The following NLRP13 variants were observed in gnomAD, a reference collection of about 807,000 sequenced individuals.
NLRP13 encodes NLR family pyrin domain containing 13.
NLRP13 carries 82 observed loss-of-function variants against 94.4 expected under a neutral mutation model. That is an observed-to-expected ratio of 0.87 (90% CI 0.73 to 1.04). The LOEUF (loss-of-function observed/expected upper bound fraction) is 1.04, where lower values mean the gene tolerates loss of function less well. Among genes scored for constraint, NLRP13 ranks in the 50% least tolerant of loss-of-function variants. The pLI, the probability that NLRP13 is intolerant of heterozygous loss-of-function variation, is 0.00. For synonymous variants in NLRP13, 553 were observed against 464.7 expected (o/e 1.19, Z -2.45); for missense variants, 1,426 against 1,230.8 (o/e 1.16, Z -2.37).
downstream of NLRP13, among the ~76,000 whole-genome samples, chr19:55,892,425 ATATACG>A (rs1271595138): frequency 2.7e-5 from 4 of 150,720 alleles, no homozygotes; most frequent in Non-Finnish European, 5.9e-5. Context: ...ACACATACAC[ATATACG>A]TATTGTTTGA....
chr19:55,924,646 G>A lies in NLRP13; in HGVS notation c.401C>T (p.Thr134Ile), dbSNP rs1986923991. ...TTGGTTTGGATCTTGGCATCCCTGG[G>A]TCTGCATATTCCCTGAAATAAACAT... ...MLEAAAGNMQTQGCQDPNQEE... is the reference protein window; with the variant it reads ...MLEAAAGNMQIQGCQDPNQEE... The change falls in exon 3 of 11, where the codon ACC (threonine) becomes ATC (isoleucine). Residue 134 changes from threonine (T) to isoleucine (I), a missense_variant. By Grantham distance (89) the Thr-to-Ile change is moderately conservative. Transcript: ENST00000342929. 1.2e-6 allele frequency: 2 copies of A among 1,613,002 alleles called. No homozygotes were observed. The highest frequency in any genetic ancestry group is 1.7e-5 in the Admixed American group (1 of 59,988).
At chr19:55,895,910 C>G (rs762229691), downstream of NLRP13, 1 of 1,603,598 alleles carries the variant, frequency 6.2e-7, no homozygotes, top group South Asian at 1.1e-5. Context: ...AGCCTTGTCC[C>G]TGTATGTTCT....
chr19:55,922,317 G>GT (rs895226614), intron 4 of NLRP13, among the ~76,000 whole-genome samples: 2 of 151,678 alleles, frequency 1.3e-5, no homozygotes, highest in African/African-American at 4.8e-5. Context: ...TTTTATTGTT[G>GT]TTTTTTGTTT....
intron 4 of NLRP13, among the ~76,000 whole-genome samples, chr19:55,917,833 A>T (rs1986709873): frequency 6.6e-6 from 1 of 152,124 alleles, no homozygotes; most frequent in East Asian, 1.9e-4. Flanking sequence ...TCAACACCCC[A>T]CTGACAGCAC....
Position 55,902,052 on chromosome 19 carries a change from A to G in NLRP13, c.2772T>C (p.Gly924=), listed in dbSNP as rs113134082. Reference sequence around the variant, plus strand: ...AAACTTACTTCAGGCTCTGCAGGTTACCATCTGGGCGACCCAAGGCCTCAC... The same window carrying G: ...AAACTTACTTCAGGCTCTGCAGGTTGCCATCTGGGCGACCCAAGGCCTCAC... The part of the protein sequence containing the change: ...FLCEALGRPD[G]NLQSLNLSGC... Residue 924 remains glycine (G), a synonymous_variant, in exon 9 of 11, where the codon GGT becomes GGC. Transcript: ENST00000342929. 161 of 1,614,084 alleles carry G rather than the reference A, an allele frequency of 1.0e-4. No individual in the cohort carries two copies. In the African/African-American group the frequency reaches 1.8e-3, roughly 18 times the overall value.
chr19:55,891,785 C>T (rs1985856232), downstream of NLRP13: 2 of 314,290 alleles, frequency 6.4e-6, no homozygotes, highest in East Asian at 1.0e-4. Context: ...GAAGGCACAG[C>T]CAACTTATGA....
At chr19:55,898,980 C>T (rs747148983) in intron 9 of NLRP13, 43 bp from the exon 10 acceptor site, 6 of 1,580,496 alleles carry the variant, frequency 3.8e-6, no homozygotes, top group Non-Finnish European at 5.2e-6. Flanking sequence ...GTAATTGCGT[C>T]CCGAAGCTGT....
rs71182931 is a variant in NLRP13 at position 55,906,337 on chromosome 19, C to CAAAAAAAAAAAAAA, written c.2448-1239_2448-1226dup. On this transcript the variant is annotated intron_variant, in intron 7 of 10. Transcript: ENST00000342929. ...TGGGTGACAGAGTGAGACTCCATCT[C>CAAAAAAAAAAAAAA]AAAAAAAAAAAAAAAAAGACAGATG... Among the ~76,000 whole-genome samples, 24 of 60,952 alleles carry CAAAAAAAAAAAAAA rather than the reference C, an allele frequency of 3.9e-4. 2 individuals carry two copies. Among genetic ancestry groups the CAAAAAAAAAAAAAA allele is most frequent in the East Asian group, 5.4e-4 (1 of 1,852 alleles). The allele number at this position is 60,952 out of a possible 152,430, so 40.0% of individuals were successfully genotyped here.
chr19:55,922,353 G>A (rs1286178480), intron 4 of NLRP13, among the ~76,000 whole-genome samples: 2 of 151,742 alleles, frequency 1.3e-5, no homozygotes, highest in Non-Finnish European at 2.9e-5. Flanking sequence ...TTTTCAGATG[G>A]AGTCTTGCTC....
Position 55,907,843 on chromosome 19 carries a change from G to C in NLRP13, c.2396C>G (p.Pro799Arg), listed in dbSNP as rs908337086. Residue 799 changes from proline (P) to arginine (R), a missense_variant, in exon 7 of 11, where the codon CCC becomes CGC. Transcript: ENST00000342929. ...GTGTCTCAAAGCTTTAAGAATCAGGGGGACAGTCATTCCCAGCTTGTTAGA... is the reference window on the plus strand; with the variant it reads ...GTGTCTCAAAGCTTTAAGAATCAGGCGGACAGTCATTCCCAGCTTGTTAGA... The part of the protein sequence containing the change: ...FSSNKLGMTV[P>R]LILKALRHSA... The C allele has an allele frequency of 1.2e-6, 2 of 1,613,898 alleles. No homozygotes were observed. Among genetic ancestry groups the C allele is most frequent in the Admixed American group, 1.7e-5 (1 of 59,988 alleles).
In NLRP13 at chr19:55,912,443, A is replaced by G. The variant is rs930750556; in HGVS notation, c.1374T>C (p.Tyr458=). The G allele has an allele frequency of 5.0e-6, 8 of 1,614,106 alleles. No individual in the cohort carries two copies. Among genetic ancestry groups the G allele is most frequent in the African/African-American group, 1.3e-5 (1 of 74,938 alleles). ...CTGTGGAGAACAAGTTGGAGAAAAA[A>G]TAGGCATACAGACTGGTGGTAGTCT... The part of the protein sequence containing the change: ...ITQTTTSLYA[Y]FFSNLFSTAE... The change falls in exon 5 of 11, where the codon TAT becomes TAC. Residue 458 remains tyrosine, a synonymous_variant. Transcript: ENST00000342929.
At chr19:55,898,741 ACT>A (rs752124902) in intron 10 of NLRP13, 27 bp downstream of exon 10, 7 of 1,568,560 alleles carry the variant, frequency 4.5e-6, no homozygotes, top group Non-Finnish European at 6.0e-6. Context: ...GAGAAGGAAG[ACT>A]CTGCAAGGAG....
chr19:55,916,413 T>C (rs556637229), intron 4 of NLRP13, among the ~76,000 whole-genome samples: 3 of 152,176 alleles, frequency 2.0e-5, no homozygotes, highest in Admixed American at 6.5e-5. Context: ...ATTTAAAATA[T>C]TGATTTTAAA....
chr19:55,924,820 G>A (rs1568446334), intron 2 of NLRP13, 147 bp downstream of exon 2: 3 of 806,634 alleles, frequency 3.7e-6, no homozygotes, highest in South Asian at 3.2e-5. Flanking sequence ...CATTTAATAA[G>A]CAATACTGAA....
At chr19:55,911,169 A>T (rs1173237895) in intron 5 of NLRP13, among the ~76,000 whole-genome samples, 1 of 152,226 alleles carries the variant, frequency 6.6e-6, no homozygotes, top group Non-Finnish European at 1.5e-5. Flanking sequence ...AAATGTCCCT[A>T]TGTTAGAGCC....
intron 1 of NLRP13, among the ~76,000 whole-genome samples, chr19:55,929,739 G>T (rs1033984490): frequency 1.3e-5 from 2 of 152,046 alleles, no homozygotes; most frequent in Admixed American, 6.5e-5. Flanking sequence ...AAACCTGCAC[G>T]TTGTGCACAT....
In NLRP13 at chr19:55,895,987, C is replaced by T. The variant is rs772453642; in HGVS notation, c.3090G>A (p.Lys1030=). The change falls in exon 11 of 11, where the codon AAG becomes AAA. Residue 1030 remains lysine (K), a synonymous_variant. Transcript: ENST00000342929. ...GCCTGCATGTCGACTTTTTCAAAGC[C>T]TTACATAGCATCTTGACACCATCAG... is the stretch of plus-strand genomic sequence containing the variant. ...LDTDGVKMLC[K]ALKKSTCRLQ... 7 of 1,614,012 alleles carry T rather than the reference C, an allele frequency of 4.3e-6. No individual in the cohort carries two copies. The highest frequency in any genetic ancestry group is 5.9e-6 in the Non-Finnish European group (7 of 1,180,006).
downstream of NLRP13, among the ~76,000 whole-genome samples, chr19:55,895,217 GA>G (rs1217964544): frequency 4.3e-5 from 6 of 140,888 alleles, no homozygotes; most frequent in African/African-American, 8.1e-5. Flanking sequence ...AAAAAAGAAA[GA>G]AAAGAAAAAG....
chr19:55,930,686 C>CAAAAAA (rs9304769), intron 1 of NLRP13, among the ~76,000 whole-genome samples: 8 of 94,212 alleles, frequency 8.5e-5, no homozygotes, highest in African/African-American at 2.5e-4. Flanking sequence ...AACTCCATCT[C>CAAAAAA]AAAAAAAAAA....
Sources: allele counts gnomAD v4.1 joint callset (sites outside exome capture counted in the v4.1 genomes callset), GRCh38; gene constraint gnomAD v4.1.1; transcripts MANE v1.5; gene names NCBI Gene and HGNC (gene_info 2026-07-23, HGNC 2026-07-21).